ZMYM4: variants seen among roughly 807,000 people sequenced by gnomAD.
The protein encoded by ZMYM4 is zinc finger MYM-type protein 4.
ZMYM4 carries 31 observed loss-of-function variants against 183.2 expected under a neutral mutation model. That is an observed-to-expected ratio of 0.17 (90% confidence interval 0.13 to 0.23). ZMYM4 has a LOEUF of 0.23. ZMYM4 is among the 10% of genes least tolerant of loss of function. The pLI, the probability that ZMYM4 is intolerant of heterozygous loss-of-function variation, is 1.00. For missense variants in ZMYM4, 1,273 were observed against 1,840.3 expected (o/e 0.69, Z 5.64); for synonymous variants, 592 against 631.2 (o/e 0.94, Z 0.93).
chr1:35,369,892 G>A lies in ZMYM4; in HGVS notation c.841-137G>A, dbSNP rs112632489. The A allele has an allele frequency of 7.7e-5, 40 of 521,966 alleles. 2 individuals are homozygous for A. The highest frequency in any genetic ancestry group is 4.1e-4 in the African/African-American group (21 of 51,180). The allele number at this position is 521,966 out of a possible 1,614,324, so 32.3% of individuals were successfully genotyped here. Reference sequence around the variant, plus strand: ...TTAATTATAGTTTGCTTGCTGTTTTGTACTTTATTATTTCTTACTAATGTT... The same window carrying A: ...TTAATTATAGTTTGCTTGCTGTTTTATACTTTATTATTTCTTACTAATGTT... On this transcript the variant is annotated intron_variant, in intron 5 of 29. Transcript: ENST00000314607.
intron 23 of ZMYM4, among the ~76,000 whole-genome samples, chr1:35,402,427 G>A (rs1644925263): frequency 6.6e-6 from 1 of 152,050 alleles, no homozygotes; most frequent in African/African-American, 2.4e-5. Flanking sequence ...ACCAGCCTGG[G>A]CAATGTAGTG....
intron 28 of ZMYM4, 101 bp from the exon 29 acceptor site, chr1:35,418,342 A>G: frequency 7.7e-7 from 1 of 1,304,076 alleles, no homozygotes; most frequent in South Asian, 1.4e-5. Flanking sequence ...AAGGGAGGAA[A>G]TGACAAAGTT....
intron 11 of ZMYM4, 138 bp from the exon 12 acceptor site, chr1:35,386,865 C>A (rs975741403): frequency 2.1e-5 from 18 of 863,996 alleles, no homozygotes; most frequent in Admixed American, 2.8e-5. Flanking sequence ...CCGTAATAAG[C>A]TGCTCAGAGG....
intron 18 of ZMYM4, among the ~76,000 whole-genome samples, chr1:35,394,425 G>A (rs751909694): frequency 3.9e-5 from 6 of 152,076 alleles, no homozygotes; most frequent in Non-Finnish European, 8.8e-5. Flanking sequence ...CCTCTTGCCC[G>A]TACTCACCAG....
intron 5 of ZMYM4, among the ~76,000 whole-genome samples, chr1:35,362,360 C>T (rs1270745663): frequency 6.6e-6 from 1 of 152,142 alleles, no homozygotes; most frequent in East Asian, 1.9e-4. Flanking sequence ...CAAGGTTGCT[C>T]TGGAGATAAA....
intron 1 of ZMYM4, among the ~76,000 whole-genome samples, chr1:35,284,647 C>T (rs957782394): frequency 6.6e-6 from 1 of 152,172 alleles, no homozygotes; most frequent in African/African-American, 2.4e-5. Context: ...GTGGCTTAAA[C>T]AACAAATTTA....
chr1:35,375,343 T>C (rs1206143608), intron 7 of ZMYM4, among the ~76,000 whole-genome samples: 1 of 152,260 alleles, frequency 6.6e-6, no homozygotes, highest in Non-Finnish European at 1.5e-5. Flanking sequence ...TATAGTCTGA[T>C]TTATCTGATT....
intron 2 of ZMYM4, among the ~76,000 whole-genome samples, chr1:35,326,857 AT>A (rs1393425188): frequency 6.6e-6 from 1 of 151,868 alleles, no homozygotes; most frequent in Non-Finnish European, 1.5e-5. Flanking sequence ...GCTTGGAGTC[AT>A]TTTTTTTCTC....
At chr1:35,371,169 G>A (rs1467325139) in intron 7 of ZMYM4, among the ~76,000 whole-genome samples, 8 of 151,782 alleles carry the variant, frequency 5.3e-5, no homozygotes, top group Non-Finnish European at 1.2e-4. Flanking sequence ...AGGCTGGAGT[G>A]CAGTGGTGTG....
chr1:35,364,176 T>C (rs942012164), intron 5 of ZMYM4, among the ~76,000 whole-genome samples: 2 of 152,230 alleles, frequency 1.3e-5, no homozygotes, highest in African/African-American at 2.4e-5. Flanking sequence ...ATCATGATTA[T>C]GGGAAGAACT....
intron 1 of ZMYM4, among the ~76,000 whole-genome samples, chr1:35,282,259 T>C (rs1640211475): frequency 6.6e-6 from 1 of 152,202 alleles, no homozygotes; most frequent in Non-Finnish European, 1.5e-5. Flanking sequence ...GTGGGGACAC[T>C]GCCCTAATGA....
intron 13 of ZMYM4, 115 bp from the exon 14 acceptor site, chr1:35,388,795 C>A: frequency 1.1e-6 from 1 of 951,424 alleles, no homozygotes; most frequent in Non-Finnish European, 1.6e-6. Flanking sequence ...GCCAGCCTCC[C>A]AAAGTGTTGG....
chr1:35,411,209 G>A (rs1213468623), intron 26 of ZMYM4, among the ~76,000 whole-genome samples: 2 of 127,156 alleles, frequency 1.6e-5, no homozygotes, highest in Non-Finnish European at 3.3e-5. Flanking sequence ...TTTTTGAGAT[G>A]GAGTCTTGAT....
At chr1:35,368,269 C>T (rs1238921957) in intron 5 of ZMYM4, among the ~76,000 whole-genome samples, 1 of 151,918 alleles carries the variant, frequency 6.6e-6, no homozygotes, top group Non-Finnish European at 1.5e-5. Context: ...GTTTGCTGAT[C>T]CCTGGAGTAA....
chr1:35,401,230 A>T (rs528146149), intron 23 of ZMYM4, among the ~76,000 whole-genome samples: 5 of 152,312 alleles, frequency 3.3e-5, no homozygotes, highest in Non-Finnish European at 5.9e-5. Flanking sequence ...GAGATGTACC[A>T]TTTTGCAGTC....
intron 1 of ZMYM4, among the ~76,000 whole-genome samples, chr1:35,282,955 A>G (rs992425315): frequency 4.0e-5 from 5 of 124,274 alleles, no homozygotes; most frequent in Non-Finnish European, 8.4e-5. Context: ...ATCCTCACCA[A>G]TACTTGTTGT....
chr1:35,407,087 G>A (rs1024374676), intron 25 of ZMYM4, among the ~76,000 whole-genome samples: 2 of 152,150 alleles, frequency 1.3e-5, no homozygotes, highest in African/African-American at 2.4e-5. Flanking sequence ...AGGCAAGAGG[G>A]TGTTATTCAT....
intron 29 of ZMYM4, among the ~76,000 whole-genome samples, chr1:35,418,822 G>A (rs1293201127): frequency 6.6e-6 from 1 of 152,122 alleles, no homozygotes; most frequent in Non-Finnish European, 1.5e-5. Context: ...TACAACTGTT[G>A]TACAACCTTT....
chr1:35,343,190 A>G (rs1643266956), intron 2 of ZMYM4, among the ~76,000 whole-genome samples: 1 of 152,070 alleles, frequency 6.6e-6, no homozygotes, highest in South Asian at 2.1e-4. Flanking sequence ...CAAATTTTTA[A>G]TATTGATGAA....
Sources: gnomAD v4.1 joint callset for allele counts (sites outside exome capture counted in the v4.1 genomes callset) on GRCh38, gnomAD v4.1.1 for gene constraint, MANE v1.5 for transcripts, NCBI Gene and HGNC (gene_info 2026-07-23, HGNC 2026-07-21) for gene names.